The following SENP2 variants were observed in gnomAD, a reference collection of about 807,000 sequenced individuals.
SENP2 encodes the protein sentrin-specific protease 2.
In SENP2, 16 loss-of-function variants were observed where a neutral mutation model predicts 86.3. The observed-to-expected ratio is 0.19, with a 90% CI of 0.13 to 0.28. SENP2 has a LOEUF of 0.28. SENP2 is among the 10% of genes least tolerant of loss of function. The pLI, the probability that SENP2 is intolerant of heterozygous loss-of-function variation, is 1.00. For missense variants in SENP2, 552 were observed against 703.0 expected (o/e 0.79, Z 2.43); for synonymous variants, 222 against 238.7 (o/e 0.93, Z 0.64).
At chr3:185,598,621 G>A (rs1344660707) in intron 3 of SENP2, 76 bp downstream of exon 3, 30 of 1,409,192 alleles carry the variant, frequency 2.1e-5, no homozygotes, top group East Asian at 4.8e-5. Context: ...TTCTCTCTTC[G>A]AGAGTTAATG....
At chr3:185,609,174 A>ATGGT in intron 6 of SENP2, 73 bp from the exon 7 acceptor site, 2 of 957,432 alleles carry the variant, frequency 2.1e-6, no homozygotes, top group Admixed American at 4.1e-5. Flanking sequence ...AAACACACCT[A>ATGGT]TGGTTTACAT....
chr3:185,606,623 T>TA, intron 6 of SENP2, 125 bp downstream of exon 6: 1 of 822,144 alleles, frequency 1.2e-6, no homozygotes, highest in South Asian at 2.1e-5. Flanking sequence ...CAATACAGCC[T>TA]CCAACAAAAT....
intron 15 of SENP2, among the ~76,000 whole-genome samples, chr3:185,624,362 TAATC>T (rs944577189): frequency 1.3e-5 from 2 of 152,102 alleles, no homozygotes; most frequent in Non-Finnish European, 2.9e-5. Flanking sequence ...CTCTAGCAAT[TAATC>T]TAACTAAAAT....
chr3:185,618,594 C>T (rs1711710332), intron 12 of SENP2, among the ~76,000 whole-genome samples: 1 of 152,108 alleles, frequency 6.6e-6, no homozygotes, highest in African/African-American at 2.4e-5. Flanking sequence ...AGTACCACCA[C>T]TCGGCCGGGC....
intron 2 of SENP2, among the ~76,000 whole-genome samples, chr3:185,591,618 T>A (rs1310663045): frequency 6.6e-6 from 1 of 152,204 alleles, no homozygotes; most frequent in Non-Finnish European, 1.5e-5. Context: ...CCCAAAGTGC[T>A]GGGATTACAG....
chr3:185,621,408 T>TTTTTTTTTG (rs1711882865), intron 13 of SENP2, among the ~76,000 whole-genome samples: 1 of 138,292 alleles, frequency 7.2e-6, no homozygotes, highest in Admixed American at 7.4e-5. Context: ...TTTTTTTTTT[T>TTTTTTTTTG]TGAGACAGAG....
intron 13 of SENP2, among the ~76,000 whole-genome samples, chr3:185,621,341 A>T (rs1272435953): frequency 6.7e-6 from 1 of 149,474 alleles, no homozygotes; most frequent in Non-Finnish European, 1.5e-5. Flanking sequence ...TAAAAAAAAA[A>T]AAATACATGT....
chr3:185,611,105 A>G (rs1339113136), intron 7 of SENP2, among the ~76,000 whole-genome samples: 2 of 152,100 alleles, frequency 1.3e-5, no homozygotes, highest in African/African-American at 4.8e-5. Flanking sequence ...GCGAAACCCC[A>G]TGTCTACTAA....
chr3:185,615,407 G>A (rs1420541111), intron 11 of SENP2, among the ~76,000 whole-genome samples: 1 of 151,990 alleles, frequency 6.6e-6, no homozygotes, highest in Non-Finnish European at 1.5e-5. Context: ...GCAATGGCGC[G>A]ATCTTGGCTC....
chr3:185,605,836 A>G (rs2148986861), intron 5 of SENP2, among the ~76,000 whole-genome samples: 1 of 152,304 alleles, frequency 6.6e-6, no homozygotes, highest in Middle Eastern at 3.4e-3. Context: ...TTTAGTGTTT[A>G]TTAATTTAGC....
In SENP2 at chr3:185,623,814, G is replaced by A. The variant is rs540256804; in HGVS notation, c.1527-184G>A. ...TGCACTCCAGCCTGGGCGACAGAGC[G>A]AGACTCTGTCTCAAAAAAAAAAAAA... On this transcript the variant is annotated intron_variant, in intron 14 of 16. Coordinates refer to ENST00000296257, the MANE Select transcript of SENP2 (RefSeq NM_021627.3). Among the ~76,000 whole-genome samples, 44 of 96,112 alleles carry A rather than the reference G, an allele frequency of 4.6e-4. 1 individual carries two copies. In the South Asian group the frequency reaches 0.018, roughly 39 times the overall value. The allele number at this position is 96,112 out of a possible 152,430, so 63.1% of individuals were successfully genotyped here.
rs148876807 is a variant in SENP2, at chr3:185,609,174, A to G, written c.619-73A>G. 378 of 957,430 alleles carry G rather than the reference A, an allele frequency of 3.9e-4. No homozygotes were observed. The East Asian group carries it at 8.5e-3, about 22-fold the overall frequency. The allele number at this position is 957,430 out of a possible 1,614,324, so 59.3% of individuals were successfully genotyped here. ...TAGTGCTGGCAAATAAAACACACCT[A>G]TGGTTTACATTTGGCCTTTTAATTA... On this transcript the variant is annotated intron_variant, in intron 6 of 16. Coordinates refer to ENST00000296257, the MANE Select transcript of SENP2 (RefSeq NM_021627.3).
In SENP2 at chr3:185,614,719, C is replaced by T. The variant is rs770333862; in HGVS notation, c.1089C>T (p.Asp363=). The change falls in exon 11 of 17, where the codon GAC becomes GAT. Residue 363 remains aspartate, a synonymous_variant. Transcript: ENST00000296257. ...CSGKERDRRT[D]DLLELTEDME... ...GCAAAGAGAGGGACAGAAGAACGGA[C>T]GATCTCCTTGAACTTACAGAGGTAT... The T allele has an allele frequency of 1.1e-5, 17 of 1,613,942 alleles. No homozygotes were observed. Among genetic ancestry groups the T allele is most frequent in the African/African-American group, 1.3e-5 (1 of 74,920 alleles).
chr3:185,608,513 C>T (rs527457199), intron 6 of SENP2, among the ~76,000 whole-genome samples: 1 of 152,220 alleles, frequency 6.6e-6, no homozygotes, highest in Admixed American at 6.5e-5. Context: ...GTTTAAACTC[C>T]CTGTGAAACC....
In SENP2 at chr3:185,629,941, C is replaced by T; in HGVS notation, c.*97C>T. 8.2e-7 allele frequency: 1 copy of T among 1,213,396 alleles called. No homozygotes were observed. The highest frequency in any genetic ancestry group is 1.2e-6 in the Non-Finnish European group (1 of 826,326). 75.2% of individuals were successfully genotyped at this position (1,213,396 alleles called of 1,614,324 possible). ...GGGTTAAAAAGTCCCTGCATCACTT[C>T]TGTTCTCACAGGTACTGAGCTGTCA... On this transcript the variant is annotated 3_prime_UTR_variant, in exon 17 of 17. Coordinates refer to ENST00000296257, the MANE Select transcript of SENP2 (RefSeq NM_021627.3).
At chr3:185,620,997 G>A (rs943385292) in intron 13 of SENP2, among the ~76,000 whole-genome samples, 3 of 150,920 alleles carry the variant, frequency 2.0e-5, no homozygotes, top group Non-Finnish European at 4.4e-5. Context: ...TTTGCTGGGC[G>A]TGGTGGTGCA....
Position 185,631,001 on chromosome 3 carries a change from C to T in SENP2, c.*1157C>T, listed in dbSNP as rs538461727. 2.0e-5 allele frequency: 3 copies of T among 152,230 alleles called. No individual in the cohort carries two copies. The East Asian group carries it at 5.8e-4, about 29-fold the overall frequency. The allele number at this position is 152,230 out of a possible 1,614,324, so 9.4% of individuals were successfully genotyped here. ...AAAAACCTTACTGATATGGTTATAA[C>T]TTCAGACAGTTTAGAGTTGGTCAGA... is the stretch of plus-strand genomic sequence containing the variant. On this transcript the variant is annotated 3_prime_UTR_variant, in exon 17 of 17. Transcript: ENST00000296257.
chr3:185,618,982 T>G (rs1480783171), intron 12 of SENP2, among the ~76,000 whole-genome samples: 1 of 152,264 alleles, frequency 6.6e-6, no homozygotes, highest in Non-Finnish European at 1.5e-5. Flanking sequence ...GTAGTAAAAT[T>G]CACTTACTGT....
At chr3:185,588,940 T>C (rs536969127) in intron 1 of SENP2, among the ~76,000 whole-genome samples, 1 of 152,332 alleles carries the variant, frequency 6.6e-6, no homozygotes, top group East Asian at 1.9e-4. Flanking sequence ...TACTATACTT[T>C]AGGTGTTCAC....
Sources: allele counts gnomAD v4.1 joint callset (sites outside exome capture counted in the v4.1 genomes callset), GRCh38; gene constraint gnomAD v4.1.1; transcripts MANE v1.5; gene names NCBI Gene and HGNC (gene_info 2026-07-23, HGNC 2026-07-21).